GUCA1C: variants seen among roughly 807,000 people sequenced by gnomAD.
The protein encoded by GUCA1C is guanylate cyclase activator 1C.
A neutral mutation model predicts 16.2 loss-of-function variants in GUCA1C; 15 were observed. That is an observed-to-expected ratio of 0.93 (90% CI 0.62 to 1.43). The LOEUF (loss-of-function observed/expected upper bound fraction) is 1.43. GUCA1C is among the 40% of genes most tolerant of loss of function. The pLI is 0.00. For missense variants in GUCA1C, 275 were observed against 244.8 expected, an observed-to-expected ratio of 1.12 and a Z score of -0.82; for synonymous variants, 78 against 85.4, an observed-to-expected ratio of 0.91 and a Z score of 0.48.
chr3:108,910,006 C>G (rs139400432), intron 3 of GUCA1C, among the ~76,000 whole-genome samples: 1 of 152,196 alleles, frequency 6.6e-6, no homozygotes, highest in East Asian at 1.9e-4. Flanking sequence ...CTATAGCCGA[C>G]GACAGTGCTA....
At chr3:108,914,417 T>C (rs1451379409) in intron 3 of GUCA1C, among the ~76,000 whole-genome samples, 1 of 152,216 alleles carries the variant, frequency 6.6e-6, no homozygotes, top group African/African-American at 2.4e-5. Flanking sequence ...ACACTATCTG[T>C]GTCCTCAAAC....
chr3:108,947,048 A>T lies in GUCA1C; in HGVS notation c.204+6511T>A, dbSNP rs1340415943. Among the ~76,000 whole-genome samples, 3 of 152,178 alleles carry T rather than the reference A, an allele frequency of 2.0e-5. No homozygotes were observed. The East Asian group carries it at 5.8e-4, about 29-fold the overall frequency. ...ATGTTCTCACCACAAAGAAATGATA[A>T]GTATGTGAGATGATGTATATTTTAA... On this transcript the variant is annotated intron_variant, in intron 1 of 3. Transcript: ENST00000261047.
intron 2 of GUCA1C, among the ~76,000 whole-genome samples, chr3:108,918,664 T>C (rs1946542648): frequency 6.6e-6 from 1 of 152,220 alleles, no homozygotes; most frequent in African/African-American, 2.4e-5. Context: ...ATCTCCTTTG[T>C]AGAGCCTGCC....
At chr3:108,950,343 G>C (rs1946885354) in intron 1 of GUCA1C, among the ~76,000 whole-genome samples, 1 of 152,158 alleles carries the variant, frequency 6.6e-6, no homozygotes, top group South Asian at 2.1e-4. Context: ...TGTGAATAGT[G>C]CTGCAATAAA....
intron 1 of GUCA1C, among the ~76,000 whole-genome samples, chr3:108,932,542 A>G (rs1352932580): frequency 6.6e-6 from 1 of 152,192 alleles, no homozygotes; most frequent in Non-Finnish European, 1.5e-5. Context: ...ATTTATTCCA[A>G]TGTGAATTTA....
chr3:108,938,795 A>G (rs752040549), intron 1 of GUCA1C, among the ~76,000 whole-genome samples: 2 of 152,238 alleles, frequency 1.3e-5, no homozygotes, highest in Non-Finnish European at 2.9e-5. Context: ...TGACTTGACC[A>G]TGACTGTAAT....
intron 3 of GUCA1C, among the ~76,000 whole-genome samples, chr3:108,910,253 C>CT (rs1313599917): frequency 1.3e-5 from 2 of 152,156 alleles, no homozygotes; most frequent in Non-Finnish European, 2.9e-5. Flanking sequence ...AAACCCAGCA[C>CT]TTTGGGAGGC....
At chr3:108,927,653 C>A (rs915899291) in intron 1 of GUCA1C, among the ~76,000 whole-genome samples, 19 of 152,138 alleles carry the variant, frequency 1.2e-4, no homozygotes, top group Non-Finnish European at 2.1e-4. Flanking sequence ...TATCCTGTAT[C>A]TTTAAGTTGG....
At chr3:108,952,032 C>A (rs1946900565) in intron 1 of GUCA1C, among the ~76,000 whole-genome samples, 2 of 152,196 alleles carry the variant, frequency 1.3e-5, no homozygotes, top group Admixed American at 6.5e-5. Flanking sequence ...GACATCAACG[C>A]CTTTGGATAA....
At chr3:108,910,476 T>G (rs12633547) in intron 3 of GUCA1C, among the ~76,000 whole-genome samples, 141,171 of 150,110 alleles carry the variant, frequency 0.94, 66,466 homozygotes, top group East Asian at 0.97. Context: ...CCAGCCTGGG[T>G]GACACAGCGA....
intron 1 of GUCA1C, among the ~76,000 whole-genome samples, chr3:108,927,509 T>C (rs982897439): frequency 2.6e-5 from 4 of 151,798 alleles, no homozygotes; most frequent in African/African-American, 4.8e-5. Context: ...TTCTTTCTTA[T>C]GCTTATTTGA....
At chr3:108,944,667 C>A (rs2107314747) in intron 1 of GUCA1C, among the ~76,000 whole-genome samples, 1 of 152,272 alleles carries the variant, frequency 6.6e-6, no homozygotes, top group Admixed American at 6.5e-5. Context: ...TGGCTCTGGG[C>A]AGCTTGTTTG....
chr3:108,916,983 A>G (rs1946524441), intron 2 of GUCA1C, among the ~76,000 whole-genome samples: 1 of 152,234 alleles, frequency 6.6e-6, no homozygotes, highest in African/African-American at 2.4e-5. Flanking sequence ...AATCATAAAT[A>G]TGACTCTCTC....
chr3:108,921,900 G>A (rs1946572266), intron 1 of GUCA1C, among the ~76,000 whole-genome samples: 1 of 152,154 alleles, frequency 6.6e-6, no homozygotes, highest in South Asian at 2.1e-4. Context: ...AGTGAACACT[G>A]TACCCAATGT....
intron 3 of GUCA1C, among the ~76,000 whole-genome samples, chr3:108,915,624 A>G (rs1576544403): frequency 6.6e-6 from 1 of 152,208 alleles, no homozygotes; most frequent in East Asian, 1.9e-4. Context: ...AAGGTAGAAA[A>G]AGCAGAAATG....
chr3:108,916,082 C>G (rs887668337), intron 3 of GUCA1C, 45 bp downstream of exon 3: 2 of 1,609,854 alleles, frequency 1.2e-6, no homozygotes, highest in Non-Finnish European at 1.7e-6. Context: ...ACCACCATCT[C>G]CTACTTTGTA....
chr3:108,912,139 C>T (rs1207977566), intron 3 of GUCA1C, among the ~76,000 whole-genome samples: 2 of 37,096 alleles, frequency 5.4e-5, no homozygotes, highest in East Asian at 3.3e-3. Flanking sequence ...CTTTTCATTT[C>T]CTGTTTGGCC....
intron 1 of GUCA1C, among the ~76,000 whole-genome samples, chr3:108,934,184 G>A (rs1206449461): frequency 6.6e-6 from 1 of 151,944 alleles, no homozygotes; most frequent in Non-Finnish European, 1.5e-5. Flanking sequence ...CTGGGGGGTG[G>A]GTGGCAAGGG....
At chr3:108,912,930 A>G (rs114200680) in intron 3 of GUCA1C, among the ~76,000 whole-genome samples, 1,985 of 152,212 alleles carry the variant, frequency 0.013, 48 homozygotes, top group African/African-American at 0.046. Flanking sequence ...ATAGCTCTTC[A>G]TCTTGTTATA....
Sources: gnomAD v4.1 joint callset for allele counts (sites outside exome capture counted in the v4.1 genomes callset) on GRCh38, gnomAD v4.1.1 for gene constraint, MANE v1.5 for transcripts, NCBI Gene and HGNC (gene_info 2026-07-23, HGNC 2026-07-21) for gene names.